Variants in FOXP1 observed in about 807,000 individuals in gnomAD.
The protein encoded by FOXP1 is forkhead box protein P1.
Under a neutral mutation model 98.2 loss-of-function variants are expected in FOXP1, and 15 were observed. The observed-to-expected ratio is 0.15, with a 90% confidence interval of 0.10 to 0.24. The LOEUF (loss-of-function observed/expected upper bound fraction) is 0.24. FOXP1 is among the 10% of genes least tolerant of loss of function. The pLI, the probability that FOXP1 is intolerant of heterozygous loss-of-function variation, is 1.00. For missense variants in FOXP1, 633 were observed against 848.5 expected (o/e 0.75, Z 3.15); for synonymous variants, 371 against 314.5 (o/e 1.18, Z -1.90).
chr3:71,545,665 C>T (rs1166204677), intron 2 of FOXP1, among the ~76,000 whole-genome samples: 2 of 152,118 alleles, frequency 1.3e-5, no homozygotes, highest in Admixed American at 1.3e-4. Context: ...TAATAAATAG[C>T]TATAATATAA....
At chr3:71,368,905 T>C (rs1417919725) in intron 3 of FOXP1, among the ~76,000 whole-genome samples, 1 of 152,192 alleles carries the variant, frequency 6.6e-6, no homozygotes, top group African/African-American at 2.4e-5. Flanking sequence ...TACCTTATTA[T>C]GTAAAGCTAC....
In FOXP1 at chr3:70,977,712, C is replaced by T. The variant is rs766683691; in HGVS notation, c.1359G>A (p.Ala453=). ...YNVPISSADI[A]QNQEFYKNAE... ...CGTTCTTATAAAATTCTTGGTTCTG[C>T]GCAATATCTGCTGAATAAGAATCAT... is the stretch of plus-strand genomic sequence containing the variant. The change falls in exon 16 of 21, where the codon GCG becomes GCA. Residue 453 remains alanine (A), a synonymous_variant. Coordinates refer to ENST00000649528, the MANE Select transcript of FOXP1 (RefSeq NM_001349338.3). 1.4e-5 allele frequency: 22 copies of T among 1,613,888 alleles called. No homozygotes were observed. The highest frequency in any genetic ancestry group is 6.7e-5 in the African/African-American group (5 of 74,906).
intron 2 of FOXP1, among the ~76,000 whole-genome samples, chr3:71,512,441 C>T (rs2042265428): frequency 1.3e-5 from 2 of 152,178 alleles, no homozygotes; most frequent in East Asian, 1.9e-4. Context: ...AACTCCTAAC[C>T]TTCCTCCACC....
At chr3:70,996,493 A>T (rs1575986272) in intron 13 of FOXP1, among the ~76,000 whole-genome samples, 1 of 152,212 alleles carries the variant, frequency 6.6e-6, no homozygotes, top group South Asian at 2.1e-4. Flanking sequence ...TCCAGCCACT[A>T]TCCCCTATGG....
intron 6 of FOXP1, among the ~76,000 whole-genome samples, chr3:71,149,844 G>A (rs1414319877): frequency 1.3e-5 from 2 of 152,040 alleles, no homozygotes; most frequent in Non-Finnish European, 2.9e-5. Flanking sequence ...AAGGAGAGAA[G>A]GGAATGCGAC....
intron 2 of FOXP1, among the ~76,000 whole-genome samples, chr3:71,502,596 T>G (rs1484914396): frequency 1.3e-5 from 2 of 152,212 alleles, no homozygotes; most frequent in Non-Finnish European, 2.9e-5. Flanking sequence ...TCCCTATGTA[T>G]CTATTCAAAG....
Position 71,286,203 on chromosome 3 carries a change from G to A in FOXP1, c.-12+13617C>T, listed in dbSNP as rs573676806. On this transcript the variant is annotated intron_variant, in intron 5 of 20. Transcript: ENST00000649528. ...ACCACAGTCATATATGCAAACCATC[G>A]TTGACCAAAACATCCTTGTGTGGCA... is the stretch of plus-strand genomic sequence containing the variant. Among the ~76,000 whole-genome samples, 7 of 152,132 alleles carry A rather than the reference G, an allele frequency of 4.6e-5. No individual in the cohort carries two copies. In the South Asian group the frequency reaches 1.0e-3, roughly 23 times the overall value.
chr3:71,371,818 C>T (rs1051160452), intron 3 of FOXP1, among the ~76,000 whole-genome samples: 1 of 151,958 alleles, frequency 6.6e-6, no homozygotes, highest in Admixed American at 6.5e-5. Flanking sequence ...GTCCTGCTGA[C>T]CCCCTAACCT....
intron 2 of FOXP1, among the ~76,000 whole-genome samples, chr3:71,537,672 C>G (rs1052128349): frequency 2.0e-5 from 3 of 152,226 alleles, no homozygotes; most frequent in African/African-American, 7.2e-5. Context: ...GAATTCTCAA[C>G]TGCTTCATCT....
chr3:71,026,363 T>C (rs779143657), intron 11 of FOXP1, among the ~76,000 whole-genome samples: 1 of 152,200 alleles, frequency 6.6e-6, no homozygotes, highest in Non-Finnish European at 1.5e-5. Context: ...GCTCATAAAG[T>C]AGTCCTTGAG....
chr3:70,968,184 C>T (rs1374178596), intron 19 of FOXP1, among the ~76,000 whole-genome samples: 1 of 151,426 alleles, frequency 6.6e-6, no homozygotes, highest in Non-Finnish European at 1.5e-5. Flanking sequence ...CAGGCAAGAA[C>T]GATGTAAGTG....
chr3:71,017,351 A>T (rs2044652920), intron 11 of FOXP1, among the ~76,000 whole-genome samples: 1 of 152,056 alleles, frequency 6.6e-6, no homozygotes, highest in South Asian at 2.1e-4. Context: ...GAAGAAAATA[A>T]TTTAAAAAGA....
chr3:71,224,987 G>A (rs1435594245), intron 5 of FOXP1, among the ~76,000 whole-genome samples: 1 of 152,158 alleles, frequency 6.6e-6, no homozygotes, highest in Non-Finnish European at 1.5e-5. Flanking sequence ...ATGAATGATA[G>A]AATATACATG....
At chr3:71,348,634 A>G (rs1475968074) in intron 4 of FOXP1, among the ~76,000 whole-genome samples, 1 of 151,848 alleles carries the variant, frequency 6.6e-6, no homozygotes, top group Admixed American at 6.6e-5. Context: ...GCATGTGTGT[A>G]TAAGTCACAC....
intron 5 of FOXP1, among the ~76,000 whole-genome samples, chr3:71,218,767 G>A (rs1019692689): frequency 4.6e-5 from 7 of 152,172 alleles, no homozygotes; most frequent in South Asian, 4.1e-4. Flanking sequence ...TGGATTCAGC[G>A]CATAGAACTG....
chr3:71,084,120 T>G (rs1306181146), intron 7 of FOXP1, among the ~76,000 whole-genome samples: 3 of 152,206 alleles, frequency 2.0e-5, no homozygotes, highest in Non-Finnish European at 2.9e-5. Flanking sequence ...GTTCACCACC[T>G]GTGCATTTTT....
chr3:71,278,676 G>C (rs1233280541), intron 5 of FOXP1, among the ~76,000 whole-genome samples: 5 of 152,174 alleles, frequency 3.3e-5, no homozygotes, highest in Non-Finnish European at 7.3e-5. Context: ...AGCTATGCAG[G>C]AGGCTGAAGC....
At chr3:71,521,061 G>A (rs1321719830) in intron 2 of FOXP1, among the ~76,000 whole-genome samples, 2 of 152,216 alleles carry the variant, frequency 1.3e-5, no homozygotes, top group African/African-American at 4.8e-5. Context: ...CATGATCCAT[G>A]AAGATGACAG....
At chr3:71,048,448 T>C (rs1011824420) in intron 9 of FOXP1, among the ~76,000 whole-genome samples, 2 of 152,174 alleles carry the variant, frequency 1.3e-5, no homozygotes, top group African/African-American at 4.8e-5. Flanking sequence ...AAAACCATCA[T>C]TCTCATATTA....
Sources: allele counts gnomAD v4.1 joint callset (sites outside exome capture counted in the v4.1 genomes callset), GRCh38; gene constraint gnomAD v4.1.1; transcripts MANE v1.5; gene names NCBI Gene and HGNC (gene_info 2026-07-23, HGNC 2026-07-21).